The following RARB variants were observed in gnomAD, a reference collection of about 807,000 sequenced individuals.
The protein encoded by RARB is retinoic acid receptor beta, also known as HBV-activated protein.
RARB carries 17 observed loss-of-function variants against 51.9 expected under a neutral mutation model. The ratio of observed to expected loss-of-function variants is 0.33; its 90% confidence interval spans 0.22 to 0.49. The LOEUF is 0.49. RARB is among the 20% of genes least tolerant of loss of function. The pLI is 0.99. For synonymous variants in RARB, 215 were observed against 195.4 expected (o/e 1.10, Z -0.84); for missense variants, 369 against 550.8 (o/e 0.67, Z 3.30).
chr3:25,531,383 GATA>G (rs1559453851), intron 3 of RARB, among the ~76,000 whole-genome samples: 50 of 100,468 alleles, frequency 5.0e-4, no homozygotes, highest in African/African-American at 2.1e-3. Context: ...TAGATAGATA[GATA>G]GGTAGATAGA....
At chr3:24,918,439 T>C (rs1695150200) in intron 2 of RARB, among the ~76,000 whole-genome samples, 1 of 152,138 alleles carries the variant, frequency 6.6e-6, no homozygotes, top group African/African-American at 2.4e-5. Context: ...GTGGGGTCTT[T>C]TTGGGGTGAC....
chr3:25,539,532 CTTTTTT>C (rs56693487), intron 3 of RARB, among the ~76,000 whole-genome samples: 1 of 102,428 alleles, frequency 9.8e-6, no homozygotes, highest in Non-Finnish European at 1.9e-5. Context: ...CTCTCTCTCT[CTTTTTT>C]TTTTTTTTTT....
chr3:25,443,034 T>TC (rs1443512022), intron 1 of RARB, among the ~76,000 whole-genome samples: 2 of 152,072 alleles, frequency 1.3e-5, no homozygotes, highest in Non-Finnish European at 2.9e-5. Flanking sequence ...CCATGAGCTC[T>TC]CCCCCGGGTG....
chr3:25,460,037 A>G (rs1427024886), intron 1 of RARB, among the ~76,000 whole-genome samples: 1 of 152,212 alleles, frequency 6.6e-6, no homozygotes, highest in Non-Finnish European at 1.5e-5. Context: ...TTGGGTGGTT[A>G]GATAACAGGA....
chr3:25,016,545 A>T (rs550811030), intron 2 of RARB, among the ~76,000 whole-genome samples: 6 of 152,292 alleles, frequency 3.9e-5, no homozygotes, highest in South Asian at 2.1e-4. Context: ...CTGGTTTGGA[A>T]CATTCACAGA....
At chr3:25,044,182 T>A (rs1444378190) in intron 2 of RARB, among the ~76,000 whole-genome samples, 1 of 152,240 alleles carries the variant, frequency 6.6e-6, no homozygotes, top group Non-Finnish European at 1.5e-5. Flanking sequence ...TGAACAAAAT[T>A]ATGTTAAATG....
intron 3 of RARB, among the ~76,000 whole-genome samples, chr3:25,066,678 T>C (rs1018738645): frequency 6.6e-6 from 1 of 152,034 alleles, no homozygotes; most frequent in African/African-American, 2.4e-5. Flanking sequence ...CAAAGAACTT[T>C]ACATTTTTTT....
intron 5 of RARB, among the ~76,000 whole-genome samples, chr3:25,228,818 T>G (rs1023150454): frequency 6.6e-6 from 1 of 152,150 alleles, no homozygotes; most frequent in Non-Finnish European, 1.5e-5. Context: ...CAGTGTACCT[T>G]CTGCTCTAGA....
intron 5 of RARB, among the ~76,000 whole-genome samples, chr3:25,211,846 A>G (rs1301338026): frequency 6.6e-6 from 1 of 152,162 alleles, no homozygotes; most frequent in East Asian, 1.9e-4. Flanking sequence ...TAATTTGCAG[A>G]CTCATGATTT....
At position 24,848,383 on chromosome 3, in the gene RARB, A is replaced by T. The variant is rs182401769; in HGVS notation, c.-458-10291A>T. ...GCCCTGTAAGGTTTTAAACACATCAAATCCAAATACTGTCTCTCTTTCTTT... is the reference window on the plus strand; with the variant it reads ...GCCCTGTAAGGTTTTAAACACATCATATCCAAATACTGTCTCTCTTTCTTT... On this transcript the variant is annotated intron_variant, in intron 1 of 11. Transcript: ENST00000383772. 1.8e-3 allele frequency among the ~76,000 whole-genome samples: 278 copies of T among 152,202 alleles called. 4 individuals carry two copies. The highest frequency in any genetic ancestry group is 6.5e-3 in the African/African-American group (268 of 41,500).
At chr3:24,892,837 T>C (rs898144329) in intron 2 of RARB, among the ~76,000 whole-genome samples, 9 of 152,198 alleles carry the variant, frequency 5.9e-5, no homozygotes, top group Non-Finnish European at 2.9e-5. Context: ...CCTAACATAA[T>C]ATAGGTATAG....
At chr3:25,432,758 G>A (rs537827666) in intron 1 of RARB, among the ~76,000 whole-genome samples, 4 of 152,250 alleles carry the variant, frequency 2.6e-5, no homozygotes, top group African/African-American at 9.6e-5. Flanking sequence ...GGAAATACAT[G>A]ATAAATAACA....
At chr3:24,980,172 C>T (rs1331571647) in intron 2 of RARB, among the ~76,000 whole-genome samples, 1 of 152,144 alleles carries the variant, frequency 6.6e-6, no homozygotes, top group East Asian at 1.9e-4. Flanking sequence ...TTGTAGGTAA[C>T]CTGACCTTTC....
intron 2 of RARB, among the ~76,000 whole-genome samples, chr3:24,930,301 G>A (rs1483938351): frequency 4.6e-5 from 7 of 151,932 alleles, no homozygotes; most frequent in Non-Finnish European, 8.8e-5. Flanking sequence ...AAGGGAAGTG[G>A]ATTAGAGGTG....
At chr3:25,348,642 C>T (rs1705469746) in intron 5 of RARB, among the ~76,000 whole-genome samples, 1 of 152,182 alleles carries the variant, frequency 6.6e-6, no homozygotes, top group Admixed American at 6.5e-5. Flanking sequence ...TGACCCACAA[C>T]TTACAGAGCA....
chr3:25,479,493 A>C (rs1696124587), intron 2 of RARB, among the ~76,000 whole-genome samples: 1 of 152,238 alleles, frequency 6.6e-6, no homozygotes, highest in African/African-American at 2.4e-5. Flanking sequence ...TTAAAATTTA[A>C]ACACAAAATG....
At chr3:25,413,457 A>G (rs1384898) in intron 5 of RARB, among the ~76,000 whole-genome samples, 83,123 of 151,892 alleles carry the variant, frequency 0.55, 23,192 homozygotes, top group East Asian at 0.81. Flanking sequence ...TGCCTTTTAC[A>G]TGAACATATG....
chr3:25,556,622 A>C (rs1700069856), intron 3 of RARB, among the ~76,000 whole-genome samples: 1 of 152,228 alleles, frequency 6.6e-6, no homozygotes, highest in Non-Finnish European at 1.5e-5. Context: ...TGTGACCTTT[A>C]AAGTCTCTTG....
At chr3:25,234,303 G>GGAATTGGTCCATTTCATCTA (rs1415429739) in intron 5 of RARB, among the ~76,000 whole-genome samples, 1 of 152,056 alleles carries the variant, frequency 6.6e-6, no homozygotes, top group African/African-American at 2.4e-5. Context: ...TATCTTTAAA[G>GGAATTGGTCCATTTCATCTA]GAATTGGTCC....
Sources: allele counts gnomAD v4.1 joint callset (sites outside exome capture counted in the v4.1 genomes callset), GRCh38; gene constraint gnomAD v4.1.1; transcripts MANE v1.5; gene names NCBI Gene and HGNC (gene_info 2026-07-23, HGNC 2026-07-21).